The following DLG2 variants were observed in gnomAD, a reference collection of about 807,000 sequenced individuals.
The protein encoded by DLG2 is disks large homolog 2.
Under a neutral mutation model 132.5 loss-of-function variants are expected in DLG2, and 45 were observed. The observed-to-expected ratio is 0.34, with a 90% CI of 0.27 to 0.44. The LOEUF (loss-of-function observed/expected upper bound fraction) is 0.44, where lower values mean the gene tolerates loss of function less well. DLG2 is among the 20% of genes least tolerant of loss of function. The pLI is 1.00. For synonymous variants in DLG2, 424 were observed against 419.6 expected (o/e 1.01, Z -0.13); for missense variants, 1,045 against 1,196.9 (o/e 0.87, Z 1.87).
chr11:84,542,147 G>GAC (rs1555017613), intron 6 of DLG2, among the ~76,000 whole-genome samples: 2 of 151,944 alleles, frequency 1.3e-5, no homozygotes, highest in Non-Finnish European at 1.5e-5. Flanking sequence ...GAGAGAGAGA[G>GAC]AGAGAAAGAG....
At chr11:85,468,904 C>T (rs534929611) in intron 3 of DLG2, among the ~76,000 whole-genome samples, 13 of 152,236 alleles carry the variant, frequency 8.5e-5, no homozygotes, top group Admixed American at 3.9e-4. Flanking sequence ...GCAATTCTTC[C>T]GCCTTGGCCT....
At chr11:83,538,494 G>A (rs747921567) in intron 20 of DLG2, among the ~76,000 whole-genome samples, 5 of 152,110 alleles carry the variant, frequency 3.3e-5, no homozygotes, top group Non-Finnish European at 7.4e-5. Context: ...TTCCTTCCTT[G>A]GCATATGCTC....
chr11:83,998,646 T>C (rs1168305813), intron 11 of DLG2, among the ~76,000 whole-genome samples: 1 of 152,166 alleles, frequency 6.6e-6, no homozygotes, highest in Non-Finnish European at 1.5e-5. Flanking sequence ...TCAACTCTTG[T>C]GGGTCCTGAA....
intron 9 of DLG2, among the ~76,000 whole-genome samples, chr11:84,132,791 T>C (rs775737007): frequency 6.6e-6 from 1 of 152,036 alleles, no homozygotes; most frequent in Non-Finnish European, 1.5e-5. Context: ...ACACAGTTTC[T>C]TTGAGGGAGT....
At chr11:85,393,663 A>G (rs1427042063) in intron 3 of DLG2, among the ~76,000 whole-genome samples, 11 of 115,432 alleles carry the variant, frequency 9.5e-5, no homozygotes, top group East Asian at 2.4e-4. Context: ...GTGTGTGTGT[A>G]TTCAGGTTGC....
At chr11:83,819,432 T>C (rs967903428) in intron 17 of DLG2, among the ~76,000 whole-genome samples, 9 of 116,258 alleles carry the variant, frequency 7.7e-5, no homozygotes, top group Non-Finnish European at 1.3e-4. Context: ...ATCATGCCAC[T>C]ATACTCCAGC....
intron 6 of DLG2, among the ~76,000 whole-genome samples, chr11:84,552,483 C>G (rs969366297): frequency 6.6e-6 from 1 of 152,152 alleles, no homozygotes; most frequent in Non-Finnish European, 1.5e-5. Flanking sequence ...GTTAAGATGA[C>G]AATCTTTCCA....
At chr11:84,795,966 T>G (rs1014252777) in intron 6 of DLG2, among the ~76,000 whole-genome samples, 2 of 152,174 alleles carry the variant, frequency 1.3e-5, no homozygotes, top group Admixed American at 6.5e-5. Context: ...CTGGACCCCA[T>G]GCTCACTTGC....
At chr11:85,156,724 C>G (rs1284388636) in intron 4 of DLG2, among the ~76,000 whole-genome samples, 1 of 152,162 alleles carries the variant, frequency 6.6e-6, no homozygotes, top group African/African-American at 2.4e-5. Flanking sequence ...TCATACTGAA[C>G]ACGGCGGCAC....
chr11:84,671,096 A>T (rs1011025820), intron 6 of DLG2, among the ~76,000 whole-genome samples: 2 of 142,852 alleles, frequency 1.4e-5, no homozygotes, highest in African/African-American at 5.1e-5. Context: ...GAGTACAATA[A>T]TTTTTTTTTT....
chr11:85,574,662 T>C (rs2078049343), intron 3 of DLG2, among the ~76,000 whole-genome samples: 1 of 152,098 alleles, frequency 6.6e-6, no homozygotes, highest in Non-Finnish European at 1.5e-5. Flanking sequence ...TACTGCAAGA[T>C]CTGATTGTTA....
intron 10 of DLG2, among the ~76,000 whole-genome samples, chr11:84,084,979 T>C (rs2096956417): frequency 6.6e-6 from 1 of 152,210 alleles, no homozygotes; most frequent in African/African-American, 2.4e-5. Context: ...AGGTCTCTTT[T>C]CCTCTACTGC....
chr11:84,152,883 T>C (rs1283438695), intron 9 of DLG2, among the ~76,000 whole-genome samples: 1 of 152,220 alleles, frequency 6.6e-6, no homozygotes, highest in East Asian at 1.9e-4. Flanking sequence ...GAAGTTTTGA[T>C]ACTGTCATCC....
intron 6 of DLG2, among the ~76,000 whole-genome samples, chr11:85,023,712 A>G (rs1281289568): frequency 1.3e-5 from 2 of 152,122 alleles, no homozygotes; most frequent in Non-Finnish European, 2.9e-5. Flanking sequence ...ACTATTCTAA[A>G]TAGGATATCA....
At chr11:84,313,563 A>AGG (rs772809685) in intron 7 of DLG2, among the ~76,000 whole-genome samples, 7 of 113,518 alleles carry the variant, frequency 6.2e-5, no homozygotes, top group African/African-American at 1.4e-4. Context: ...GGAGGGAGGG[A>AGG]GGAGAGAGAG....
chr11:85,384,132 C>T (rs1224582633), intron 3 of DLG2, among the ~76,000 whole-genome samples: 1 of 152,106 alleles, frequency 6.6e-6, no homozygotes. Context: ...TCTTATAATA[C>T]ATATGAAAGT....
intron 18 of DLG2, chr11:83,647,102 T>G (rs2068434666): frequency 6.6e-6 from 1 of 152,078 alleles, no homozygotes; most frequent in Non-Finnish European, 1.5e-5. Context: ...CAGGTATTGT[T>G]GAATAGTGGT....
At chr11:84,861,356 A>G (rs866847276) in intron 6 of DLG2, among the ~76,000 whole-genome samples, 24 of 152,214 alleles carry the variant, frequency 1.6e-4, no homozygotes, top group Middle Eastern at 6.8e-3. Flanking sequence ...ATTCAGATCC[A>G]ACCTCTGCCT....
intron 18 of DLG2, among the ~76,000 whole-genome samples, chr11:83,780,145 T>A (rs989559049): frequency 6.6e-6 from 1 of 152,216 alleles, no homozygotes; most frequent in Non-Finnish European, 1.5e-5. Flanking sequence ...CCTACATAGA[T>A]GTTGATTTAA....
Sources: gnomAD v4.1 joint callset for allele counts (sites outside exome capture counted in the v4.1 genomes callset) on GRCh38, gnomAD v4.1.1 for gene constraint, MANE v1.5 for transcripts, NCBI Gene and HGNC (gene_info 2026-07-23, HGNC 2026-07-21) for gene names.